EPHA7: variants seen among roughly 807,000 people sequenced by gnomAD.
EPHA7 encodes ephrin type-A receptor 7.
Under a neutral mutation model 112.6 loss-of-function variants are expected in EPHA7, and 25 were observed. That is an observed-to-expected ratio of 0.22 (90% CI 0.16 to 0.31). EPHA7 has a LOEUF of 0.31. EPHA7 is among the 10% of genes least tolerant of loss of function. The probability of loss-of-function intolerance (pLI) is 1.00; values close to 1 mark genes in which losing one functional copy is unlikely to be tolerated. For synonymous variants in EPHA7, 437 were observed against 406.5 expected, an observed-to-expected ratio of 1.07 and a Z score of -0.90; for missense variants, 962 against 1,212.6, an observed-to-expected ratio of 0.79 and a Z score of 3.07.
rs1770359420 is a variant in EPHA7, at chr6:93,254,710, T to C, written c.2469A>G (p.Gly823=). 10 of 1,613,620 alleles carry C rather than the reference T, an allele frequency of 6.2e-6. No homozygotes were observed. The highest frequency in any genetic ancestry group is 7.6e-6 in the Non-Finnish European group (9 of 1,179,746). ...FTSASDVWSY[G]IVMWEVMSYG... is the part of the protein sequence containing the mutation. ...AAGACATAACTTCCCACATGACTAT[T>C]CCATAGCTCCATACATCACTGGCTG... is the stretch of plus-strand genomic sequence containing the variant. Residue 823 remains glycine, a synonymous_variant, in exon 14 of 17, where the codon GGA becomes GGG. Coordinates refer to ENST00000369303, the MANE Select transcript of EPHA7 (RefSeq NM_004440.4).
chr6:93,264,597 C>T lies in EPHA7; in HGVS notation c.1739G>A (p.Arg580Lys). The change falls in exon 8 of 17, where the codon AGA becomes AAA. Residue 580 changes from arginine (R) to lysine (K), a missense_variant. Arg to Lys is a conservative substitution (Grantham distance 26). Coordinates refer to ENST00000369303, the MANE Select transcript of EPHA7 (RefSeq NM_004440.4). Reference sequence around the variant, plus strand: ...TTAGAACAACTTTGTGTTCTACCTTCTCCCAATGATGAAGCCAAAGACCAT... The same window carrying T: ...TTAGAACAACTTTGTGTTCTACCTTTTCCCAATGATGAAGCCAAAGACCAT... ...VFMVFGFIIGRRHCGYSKADQ... is the reference protein window; with the variant it reads ...VFMVFGFIIGKRHCGYSKADQ... 1 of 1,593,286 alleles carries T rather than the reference C, an allele frequency of 6.3e-7. No homozygotes were observed. Among genetic ancestry groups the T allele is most frequent in the Non-Finnish European group, 8.6e-7 (1 of 1,164,676 alleles).
intron 5 of EPHA7, among the ~76,000 whole-genome samples, chr6:93,331,482 C>A (rs1177240236): frequency 4.7e-5 from 7 of 150,402 alleles, no homozygotes; most frequent in Non-Finnish European, 1.0e-4. Flanking sequence ...TTTTAAAAAC[C>A]AAACCTAGAC....
intron 5 of EPHA7, among the ~76,000 whole-genome samples, chr6:93,353,342 G>A (rs1775787828): frequency 6.6e-6 from 1 of 151,992 alleles, no homozygotes; most frequent in South Asian, 2.1e-4. Flanking sequence ...AATATTAAAA[G>A]TATATAAATA....
intron 14 of EPHA7, among the ~76,000 whole-genome samples, chr6:93,251,994 C>G (rs181898716): frequency 3.3e-5 from 5 of 152,104 alleles, no homozygotes; most frequent in Admixed American, 3.3e-4. Flanking sequence ...CAAGGGTTAA[C>G]TAATGGATAA....
At chr6:93,358,106 G>A (rs955935482) in intron 4 of EPHA7, 150 bp downstream of exon 4, 1 of 560,420 alleles carries the variant, frequency 1.8e-6, no homozygotes, top group East Asian at 4.5e-5. Context: ...GCTTATGAAA[G>A]AAAATTTTAT....
chr6:93,315,112 TCG>T (rs1773743553), intron 5 of EPHA7, among the ~76,000 whole-genome samples: 1 of 150,368 alleles, frequency 6.7e-6, no homozygotes, highest in African/African-American at 2.5e-5. Flanking sequence ...TCCGCCCGCC[TCG>T]GCCTCCCAAA....
chr6:93,304,698 T>A (rs1582484287), intron 5 of EPHA7, among the ~76,000 whole-genome samples: 1 of 152,116 alleles, frequency 6.6e-6, no homozygotes, highest in East Asian at 1.9e-4. Context: ...AATTCTCCAG[T>A]GGCTTCTCAC....
At chr6:93,377,971 G>C (rs183948762) in intron 3 of EPHA7, among the ~76,000 whole-genome samples, 2 of 152,148 alleles carry the variant, frequency 1.3e-5, no homozygotes, top group East Asian at 3.9e-4. Flanking sequence ...AGACCTCTCA[G>C]TTTGTAGAAA....
chr6:93,354,278 A>G (rs12528386), intron 5 of EPHA7, among the ~76,000 whole-genome samples: 6,616 of 152,106 alleles, frequency 0.043, 170 homozygotes, highest in African/African-American at 0.055. Flanking sequence ...GAGTATACTC[A>G]CACAAAAGAA....
At chr6:93,306,189 T>C (rs1223793565) in intron 5 of EPHA7, among the ~76,000 whole-genome samples, 1 of 151,970 alleles carries the variant, frequency 6.6e-6, no homozygotes, top group East Asian at 1.9e-4. Flanking sequence ...TCTCTGCTTT[T>C]ATAAAGTCTC....
At chr6:93,317,759 A>G (rs1773881901) in intron 5 of EPHA7, among the ~76,000 whole-genome samples, 1 of 152,136 alleles carries the variant, frequency 6.6e-6, no homozygotes, top group South Asian at 2.1e-4. Context: ...AAAGGCAGAA[A>G]TCCTTGGTTG....
chr6:93,398,103 C>T lies in EPHA7; in HGVS notation c.832+12398G>A, dbSNP rs868541171. Among the ~76,000 whole-genome samples the T allele has an allele frequency of 2.0e-5, 3 of 151,912 alleles. No individual in the cohort carries two copies. In the East Asian group the frequency reaches 5.8e-4, roughly 29 times the overall value. ...AGTATTTTAACCTTGTTCACTCTTA[C>T]CTCTTCACCCTTAATCTATCTTCCT... On this transcript the variant is annotated intron_variant, in intron 3 of 16. Transcript: ENST00000369303.
At chr6:93,255,223 C>A (rs1160953106) in intron 13 of EPHA7, among the ~76,000 whole-genome samples, 1 of 151,948 alleles carries the variant, frequency 6.6e-6, no homozygotes, top group Admixed American at 6.6e-5. Context: ...TGGTGGGCGC[C>A]TGTTATCCTA....
chr6:93,321,407 C>T (rs969410341), intron 5 of EPHA7, among the ~76,000 whole-genome samples: 1 of 151,920 alleles, frequency 6.6e-6, no homozygotes, highest in Non-Finnish European at 1.5e-5. Flanking sequence ...AAAATTCCTG[C>T]ATATGTATCT....
Position 93,269,647 on chromosome 6 carries a change from C to G in EPHA7, c.1463G>C (p.Arg488Pro), listed in dbSNP as rs968186662. 2.6e-6 allele frequency: 4 copies of G among 1,540,864 alleles called. No individual in the cohort carries two copies. In the African/African-American group the frequency reaches 5.7e-5, roughly 22 times the overall value. The part of the protein sequence containing the change: ...IKYYEKDQRE[R>P]TYSTVKTKST... ...CTTGGTTTTTACTGTTGAGTAGGTC[C>G]GTTCCCTTTGATCCTAGAAACAATA... is the stretch of plus-strand genomic sequence containing the variant. The change falls in exon 7 of 17, where the codon CGG becomes CCG. Residue 488 changes from arginine (R) to proline (P), a missense_variant. Arg to Pro is a moderately radical substitution (Grantham distance 103). Transcript: ENST00000369303.
At position 93,240,405 on chromosome 6, in the gene EPHA7, TAAG is replaced by T. The variant is rs1251742563; in HGVS notation, c.*3018_*3020del. ...ATTTTAATTGTCTTAAAAACACGGATAAGAAGAGCAATTAAAATATAGTCCTAA... is the reference window on the plus strand; with the variant it reads ...ATTTTAATTGTCTTAAAAACACGGATAAGAGCAATTAAAATATAGTCCTAA... On this transcript the variant is annotated 3_prime_UTR_variant, in exon 17 of 17. Transcript: ENST00000369303. 3 of 219,694 alleles carry T rather than the reference TAAG, an allele frequency of 1.4e-5. No individual in the cohort carries two copies. Among genetic ancestry groups the T allele is most frequent in the Non-Finnish European group, 1.8e-5 (2 of 109,676 alleles). 13.6% of individuals were successfully genotyped at this position (219,694 alleles called of 1,614,324 possible).
At chr6:93,327,786 C>T (rs1193768560) in intron 5 of EPHA7, among the ~76,000 whole-genome samples, 1 of 151,440 alleles carries the variant, frequency 6.6e-6, no homozygotes, top group Non-Finnish European at 1.5e-5. Flanking sequence ...TTGCAATAGC[C>T]TCCTAAACTA....
At chr6:93,248,947 A>C (rs1234604854) in intron 14 of EPHA7, among the ~76,000 whole-genome samples, 7 of 152,162 alleles carry the variant, frequency 4.6e-5, no homozygotes, top group Non-Finnish European at 1.0e-4. Flanking sequence ...ATCTTTCTCT[A>C]TATATACATA....
At chr6:93,272,043 G>GAATA (rs767538255) in intron 6 of EPHA7, among the ~76,000 whole-genome samples, 1 of 151,590 alleles carries the variant, frequency 6.6e-6, no homozygotes, top group South Asian at 2.1e-4. Context: ...ATCAGAAATT[G>GAATA]AATAAATAAA....
Sources: allele counts gnomAD v4.1 joint callset (sites outside exome capture counted in the v4.1 genomes callset), GRCh38; gene constraint gnomAD v4.1.1; transcripts MANE v1.5; gene names NCBI Gene and HGNC (gene_info 2026-07-23, HGNC 2026-07-21).